The following KALRN variants were observed in gnomAD, a reference collection of about 807,000 sequenced individuals.
KALRN encodes the protein kalirin RhoGEF kinase, also known as kalirin.
In KALRN, 70 loss-of-function variants were observed where a neutral mutation model predicts 353.7. That is an observed-to-expected ratio of 0.20 (90% CI 0.16 to 0.24). KALRN has a LOEUF of 0.24. Among genes scored for constraint, KALRN ranks in the 10% least tolerant of loss-of-function variants. The probability of loss-of-function intolerance (pLI) is 1.00; values close to 1 mark genes in which losing one functional copy is unlikely to be tolerated. For missense variants in KALRN, 2,791 were observed against 3,756.7 expected (o/e 0.74, Z 6.72); for synonymous variants, 1,391 against 1,434.8 (o/e 0.97, Z 0.69).
chr3:124,300,271 G>A lies in KALRN; in HGVS notation c.1092+1358G>A, dbSNP rs573241160. Among the ~76,000 whole-genome samples, 8 of 152,306 alleles carry A rather than the reference G, an allele frequency of 5.3e-5. No homozygotes were observed. The East Asian group carries it at 1.3e-3, about 26-fold the overall frequency. On this transcript the variant is annotated intron_variant, in intron 6 of 59. Transcript: ENST00000682506. ...TAGAGAAAGAAAAGTAGATAATCATGGTGCAGCTTGATATGTGCAGTGATA... is the reference window on the plus strand; with the variant it reads ...TAGAGAAAGAAAAGTAGATAATCATAGTGCAGCTTGATATGTGCAGTGATA...
In KALRN at chr3:124,413,448, G is replaced by T. The variant is rs143315847; in HGVS notation, c.2347-22G>T. 1.3e-3 allele frequency: 2,017 copies of T among 1,609,138 alleles called. 2 individuals are homozygous for T. Among genetic ancestry groups the T allele is most frequent in the Middle Eastern group, 6.0e-3 (36 of 6,036 alleles). Reference sequence around the variant, plus strand: ...CTCGTGGACCTGGTGAGCCTGTGCTGATGACAGTGGTTCCCTCACAGGTGA... The same window carrying T: ...CTCGTGGACCTGGTGAGCCTGTGCTTATGACAGTGGTTCCCTCACAGGTGA... On this transcript the variant is annotated intron_variant, in intron 13 of 59. Transcript: ENST00000682506.
intron 10 of KALRN, among the ~76,000 whole-genome samples, chr3:124,348,956 T>C (rs1254892437): frequency 6.6e-6 from 1 of 152,120 alleles, no homozygotes; most frequent in Non-Finnish European, 1.5e-5. Context: ...TGACCTCAAG[T>C]GATCCACCCA....
rs1560969490 is a variant in KALRN, at chr3:124,446,250, G to A, written c.3403G>A (p.Val1135Met). 1.4e-5 allele frequency: 22 copies of A among 1,614,052 alleles called. No individual in the cohort carries two copies. Among genetic ancestry groups the A allele is most frequent in the Non-Finnish European group, 1.7e-5 (20 of 1,179,884 alleles). Residue 1135 changes from valine (V) to methionine (M), a missense_variant, in exon 20 of 60, where the codon GTG becomes ATG. Physicochemically the swap from Val to Met is conservative, Grantham distance 21. Around this residue, in one of 11 missense-constraint regions of KALRN, gnomAD observed 268 missense variants for 347.0 expected, o/e 0.77. Coordinates refer to ENST00000682506, the MANE Select transcript of KALRN (RefSeq NM_001388419.1). ...GCGGTTAGACCAATGCCAGCAATAT[G>A]TGGTGTTCGAGCGCAGCGCTAAGCA... ...KRRLDQCQQY[V>M]VFERSAKQAL...
intron 33 of KALRN, among the ~76,000 whole-genome samples, chr3:124,523,175 A>G (rs988960833): frequency 2.0e-5 from 3 of 152,214 alleles, no homozygotes; most frequent in African/African-American, 7.2e-5. Context: ...TGAGACTCCC[A>G]GATCTCTTAC....
At chr3:124,445,394 C>A (rs1386452704) in intron 19 of KALRN, among the ~76,000 whole-genome samples, 1 of 152,198 alleles carries the variant, frequency 6.6e-6, no homozygotes, top group Non-Finnish European at 1.5e-5. Context: ...CTTAAGACAT[C>A]TATCCACGTA....
chr3:124,667,069 A>C lies in KALRN; in HGVS notation c.6589A>C (p.Met2197Leu), dbSNP rs773232245. ...CAATGATCCCTGCAAGTTTGCACTC[A>C]TGAACAGAGAGACTTCTGAGAGGGT... ...VDNDPCKFAL[M>L]NRETSERVVL... The change falls in exon 47 of 60, where the codon ATG becomes CTG. Residue 2197 changes from methionine to leucine, a missense_variant. Physicochemically the swap from Met to Leu is conservative, Grantham distance 15 (BLOSUM62 2). This residue lies in a region of KALRN where 1,065 missense variants were observed against 1,156.4 expected (regional missense o/e 0.92). Coordinates refer to ENST00000682506, the MANE Select transcript of KALRN (RefSeq NM_001388419.1). 6.2e-7 allele frequency: 1 copy of C among 1,614,116 alleles called. No individual in the cohort carries two copies. The highest frequency in any genetic ancestry group is 1.3e-5 in the African/African-American group (1 of 74,934).
chr3:124,520,056 T>C (rs2067032299), intron 33 of KALRN, among the ~76,000 whole-genome samples: 1 of 152,102 alleles, frequency 6.6e-6, no homozygotes, highest in South Asian at 2.1e-4. Context: ...TTTTGTCTTC[T>C]GGTTGCCTAG....
intron 49 of KALRN, chr3:124,675,483 G>A (rs371950552): frequency 6.8e-6 from 1 of 146,364 alleles, no homozygotes; most frequent in East Asian, 2.0e-4. Flanking sequence ...ACTTTCAAAT[G>A]TGCAAACAAT....
chr3:124,233,204 A>G (rs183950568), intron 2 of KALRN, among the ~76,000 whole-genome samples: 2 of 152,288 alleles, frequency 1.3e-5, no homozygotes. Context: ...AACAACAGCT[A>G]TGGTAAAACA....
intron 33 of KALRN, among the ~76,000 whole-genome samples, chr3:124,540,056 C>T (rs935966992): frequency 2.8e-4 from 42 of 152,028 alleles, no homozygotes; most frequent in Middle Eastern, 3.4e-3. Context: ...ATTACAGGTG[C>T]CTGCCACCAC....
chr3:124,668,870 T>C (rs2086015383), intron 47 of KALRN, among the ~76,000 whole-genome samples: 1 of 152,194 alleles, frequency 6.6e-6, no homozygotes, highest in Non-Finnish European at 1.5e-5. Context: ...AAAATATCTG[T>C]TTAAATTGCA....
At position 124,664,370 on chromosome 3, in the gene KALRN, T is replaced by TGTGTGTGTGTGTGTGCGCGC. The variant is rs370394911; in HGVS notation, c.6346-2078_6346-2077insTGTGTGTGTGTGTGCGCGCG. Among the ~76,000 whole-genome samples the TGTGTGTGTGTGTGTGCGCGC allele has an allele frequency of 9.3e-5, 12 of 129,534 alleles. 1 individual carries two copies. The highest frequency in any genetic ancestry group is 3.0e-4 in the Admixed American group (4 of 13,284). The allele number at this position is 129,534 out of a possible 152,430, so 85.0% of individuals were successfully genotyped here. Reference sequence around the variant, plus strand: ...GTGTGTGTGTGTGTGTGTGTGTGTGTGCGCGCGCGCGCATATAAGGGCACC... The same window carrying TGTGTGTGTGTGTGTGCGCGC: ...GTGTGTGTGTGTGTGTGTGTGTGTGTGTGTGTGTGTGTGTGCGCGCGCGCGCGCGCGCATATAAGGGCACC... On this transcript the variant is annotated intron_variant, in intron 45 of 59. Transcript: ENST00000682506.
chr3:124,589,377 T>C (rs11709257), intron 34 of KALRN, among the ~76,000 whole-genome samples: 50,635 of 151,952 alleles, frequency 0.33, 9,221 homozygotes, highest in Middle Eastern at 0.42. Context: ...AGGAGGACTG[T>C]GTGAGCCCAG....
chr3:124,615,606 T>C (rs1427574391), intron 34 of KALRN, among the ~76,000 whole-genome samples: 1 of 152,226 alleles, frequency 6.6e-6, no homozygotes. Flanking sequence ...AGGAATTATT[T>C]GTACTAGTCG....
At position 124,696,892 on chromosome 3, in the gene KALRN, A is replaced by G. The variant is rs1405344577; in HGVS notation, c.7699+637A>G. Among the ~76,000 whole-genome samples the G allele has an allele frequency of 3.3e-5, 5 of 152,158 alleles. No homozygotes were observed. The East Asian group carries it at 7.7e-4, about 24-fold the overall frequency. On this transcript the variant is annotated intron_variant, in intron 54 of 59. Transcript: ENST00000682506. ...AGTGCTTCTTGGCCACCACTGCTCT[A>G]CTTTCTGTCTCTATCAATTTGTGTT... is the stretch of plus-strand genomic sequence containing the variant.
chr3:124,042,038 C>G (rs530206548), intron 1 of KALRN, among the ~76,000 whole-genome samples: 1 of 152,182 alleles, frequency 6.6e-6, no homozygotes, highest in Non-Finnish European at 1.5e-5. Flanking sequence ...AAGTGGCAGA[C>G]GCTTTGTACA....
intron 10 of KALRN, among the ~76,000 whole-genome samples, chr3:124,360,398 G>C (rs1323764810): frequency 6.6e-6 from 1 of 152,208 alleles, no homozygotes; most frequent in African/African-American, 2.4e-5. Context: ...CCAGAAAAGG[G>C]AGAAAGAAGT....
At chr3:124,376,313 T>TA (rs2086583069) in intron 10 of KALRN, among the ~76,000 whole-genome samples, 1 of 152,214 alleles carries the variant, frequency 6.6e-6, no homozygotes, top group Non-Finnish European at 1.5e-5. Context: ...TATTTGGACA[T>TA]AAAGTTGTTC....
chr3:124,261,055 T>TC (rs1486481195), intron 3 of KALRN, among the ~76,000 whole-genome samples: 2 of 151,186 alleles, frequency 1.3e-5, no homozygotes, highest in Admixed American at 6.6e-5. Flanking sequence ...TCTTTTTTTT[T>TC]TTTTTGTATT....
Sources: allele counts gnomAD v4.1 joint callset (sites outside exome capture counted in the v4.1 genomes callset), GRCh38; gene constraint gnomAD v4.1.1; regional missense constraint gnomAD v4.1.1; transcripts MANE v1.5; gene names NCBI Gene and HGNC (gene_info 2026-07-23, HGNC 2026-07-21).